MYC: variants seen among roughly 807,000 people sequenced by gnomAD.
The protein encoded by MYC is MYC proto-oncogene, bHLH transcription factor.
In MYC, 1 loss-of-function variant was observed where a neutral mutation model predicts 30.5. The ratio of observed to expected loss-of-function variants is 0.03; its 90% CI spans 0.01 to 0.16. The LOEUF (loss-of-function observed/expected upper bound fraction) is 0.16. Ranked by LOEUF, MYC falls within the 10% of genes least tolerant of loss-of-function variation. The pLI, the probability that MYC is intolerant of heterozygous loss-of-function variation, is 1.00. For missense variants in MYC, 508 were observed against 589.0 expected, an observed-to-expected ratio of 0.86 and a Z score of 1.42; for synonymous variants, 267 against 250.7, an observed-to-expected ratio of 1.07 and a Z score of -0.62.
chr8:127,738,268 C>T lies in MYC; in HGVS notation c.51C>T (p.Pro17=), dbSNP rs2130092159. The T allele has an allele frequency of 6.3e-7, 1 of 1,595,160 alleles. No homozygotes were observed. Among genetic ancestry groups the T allele is most frequent in the Non-Finnish European group, 8.6e-7 (1 of 1,166,268 alleles). ...TCCAGCAGCCTCCCGCGACGATGCC[C>T]CTCAACGTTAGCTTCACCAACAGGA... The change falls in exon 2 of 3, where the codon CCC becomes CCT. Residue 17 remains proline (P), a synonymous_variant. Coordinates refer to ENST00000621592, the MANE Select transcript of MYC (RefSeq NM_002467.6). The surrounding 1 kb of genome is among the most constrained non-coding windows in gnomAD (Gnocchi z 7.6).
At position 127,736,364 on chromosome 8, in the gene MYC, C is replaced by G; in HGVS notation, c.-230C>G. The stretch of plus-strand genomic sequence containing the variant: ...ATCCGGAGCGAATAGGGGGCTTCGC[C>G]TCTGGCCCAGCCCTCCCGCTGATCC... On this transcript the variant is annotated 5_prime_UTR_variant, in exon 1 of 3. Coordinates refer to ENST00000621592, the MANE Select transcript of MYC (RefSeq NM_002467.6). 1 of 606,396 alleles carries G rather than the reference C, an allele frequency of 1.6e-6. No individual in the cohort carries two copies. Among genetic ancestry groups the G allele is most frequent in the Admixed American group, 3.0e-5 (1 of 33,760 alleles). The allele number at this position is 606,396 out of a possible 1,614,324, so 37.6% of individuals were successfully genotyped here.
rs4645954 is a variant in MYC, at chr8:127,737,492, G to A, written c.31-756G>A. 2.6e-3 allele frequency among the ~76,000 whole-genome samples: 396 copies of A among 152,318 alleles called. 3 individuals are homozygous for A. The highest frequency in any genetic ancestry group is 0.017 in the Middle Eastern group (5 of 292). On this transcript the variant is annotated intron_variant, in intron 1 of 2. Transcript: ENST00000621592. ...TACCCTTGGTGGGGTGGCTCCGGGG[G>A]AGGTATCGCAGCGGGGTCTCTGGCG...
chr8:127,738,730 C>G lies in MYC; in HGVS notation c.513C>G (p.Arg171=). 1 of 1,613,854 alleles carries G rather than the reference C, an allele frequency of 6.2e-7. No individual in the cohort carries two copies. The highest frequency in any genetic ancestry group is 8.5e-7 in the Non-Finnish European group (1 of 1,179,916). Residue 171 remains arginine (R), a synonymous_variant, in exon 2 of 3, where the codon CGC becomes CGG. Coordinates refer to ENST00000621592, the MANE Select transcript of MYC (RefSeq NM_002467.6). This position sits in a 1 kb window ranked among gnomAD's most constrained non-coding sequence, Gnocchi z 7.6. ...AGCTGGCCTCCTACCAGGCTGCGCG[C>G]AAAGACAGCGGCAGCCCGAACCCCG... is the stretch of plus-strand genomic sequence containing the variant.
intron 2 of MYC, among the ~76,000 whole-genome samples, chr8:127,739,355 A>C (rs369018510): frequency 3.3e-5 from 5 of 152,154 alleles, no homozygotes; most frequent in South Asian, 4.1e-4. Flanking sequence ...GGTGGCAGGG[A>C]GTGTATGAAT....
chr8:127,737,982 C>A (rs1332497090), intron 1 of MYC, among the ~76,000 whole-genome samples: 2 of 152,194 alleles, frequency 1.3e-5, no homozygotes, highest in Non-Finnish European at 2.9e-5. Context: ...CCGGGCTTTG[C>A]GCTCCGGGCT....
rs1484385745 is a variant in MYC, at chr8:127,738,467, C to G, written c.250C>G (p.Leu84Val). 6.2e-7 allele frequency: 1 copy of G among 1,606,374 alleles called. No homozygotes were observed. The highest frequency in any genetic ancestry group is 8.5e-7 in the Non-Finnish European group (1 of 1,175,048). ...CCTGTCCCCTAGCCGCCGCTCCGGGCTCTGCTCGCCCTCCTACGTTGCGGT... is the reference window on the plus strand; with the variant it reads ...CCTGTCCCCTAGCCGCCGCTCCGGGGTCTGCTCGCCCTCCTACGTTGCGGT... Residue 84 changes from leucine (L) to valine (V), a missense_variant, in exon 2 of 3, where the codon CTC (leucine) becomes GTC (valine). Physicochemically the swap from Leu to Val is conservative, Grantham distance 32. This residue lies in a region of MYC where 364 missense variants were observed against 381.1 expected (regional missense o/e 0.96). Transcript: ENST00000621592. The surrounding 1 kb of genome is among the most constrained non-coding windows in gnomAD (Gnocchi z 7.6).
Position 127,736,580 on chromosome 8 carries a change from C to A in MYC, c.-14C>A, listed in dbSNP as rs1813594357. 4.3e-6 allele frequency: 7 copies of A among 1,614,090 alleles called. No homozygotes were observed. In the East Asian group the frequency reaches 1.3e-4, roughly 31 times the overall value. On this transcript the variant is annotated 5_prime_UTR_variant, in exon 1 of 3. Coordinates refer to ENST00000621592, the MANE Select transcript of MYC (RefSeq NM_002467.6). The stretch of plus-strand genomic sequence containing the variant: ...CCGCTTCTCTGAAAGGCTCTCCTTG[C>A]AGCTGCTTAGACGCTGGATTTTTTT...
intron 2 of MYC, 93 bp downstream of exon 2, chr8:127,739,112 G>A (rs2130098715): frequency 3.8e-6 from 5 of 1,307,954 alleles, no homozygotes; most frequent in Non-Finnish European, 5.0e-6. Context: ...ACTCTTATTA[G>A]GAAGGAGAGA....
chr8:127,737,348 A>G (rs980804387), intron 1 of MYC, among the ~76,000 whole-genome samples: 1 of 152,222 alleles, frequency 6.6e-6, no homozygotes, highest in African/African-American at 2.4e-5. Context: ...TGGAAAAACC[A>G]GGGCGAATCT....
Position 127,741,054 on chromosome 8 carries a change from C to T in MYC, c.*96C>T, listed in dbSNP as rs1028803920. ...GCATGATCAAATGCAACCTCACAACCTTGGCTGAGTCTTGAGACTGAAAGA... is the reference window on the plus strand; with the variant it reads ...GCATGATCAAATGCAACCTCACAACTTTGGCTGAGTCTTGAGACTGAAAGA... On this transcript the variant is annotated 3_prime_UTR_variant, in exon 3 of 3. Coordinates refer to ENST00000621592, the MANE Select transcript of MYC (RefSeq NM_002467.6). 2 of 1,182,652 alleles carry T rather than the reference C, an allele frequency of 1.7e-6. No homozygotes were observed. The highest frequency in any genetic ancestry group is 2.3e-6 in the Non-Finnish European group (2 of 878,444). The allele number at this position is 1,182,652 out of a possible 1,614,324, so 73.3% of individuals were successfully genotyped here. A position where few individuals can be genotyped will look rare whatever the true frequency, so the allele number is the denominator to read the frequency against.
At chr8:127,739,963 GTTC>G (rs1813679709) in intron 2 of MYC, among the ~76,000 whole-genome samples, 1 of 142,366 alleles carries the variant, frequency 7.0e-6, no homozygotes, top group Admixed American at 6.8e-5. Context: ...GGCTAGATTG[GTTC>G]TTTTTTTTTT....
In MYC at chr8:127,741,555, G is replaced by GGGGGCCTTAA; in HGVS notation, c.*599_*600insGGCCTTAAGG. ...GGCAAGAGTTTTCCTCTGTTGAAAT[G>GGGGGCCTTAA]GGTCTGGGGGCCTTAAGGTCTTTAA... On this transcript the variant is annotated 3_prime_UTR_variant, in exon 3 of 3. Coordinates refer to ENST00000621592, the MANE Select transcript of MYC (RefSeq NM_002467.6). The GGGGGCCTTAA allele has an allele frequency of 5.4e-6, 1 of 184,308 alleles. No homozygotes were observed. The allele number at this position is 184,308 out of a possible 1,614,324, so 11.4% of individuals were successfully genotyped here.
chr8:127,740,959 G>A lies in MYC; in HGVS notation c.*1G>A, dbSNP rs1362443865. On this transcript the variant is annotated 3_prime_UTR_variant, in exon 3 of 3. Transcript: ENST00000621592. ...ACAGCTACGGAACTCTTGTGCGTAA[G>A]GAAAAGTAAGGAAAACGATTCCTTC... 1.3e-5 allele frequency: 20 copies of A among 1,539,958 alleles called. No homozygotes were observed. The highest frequency in any genetic ancestry group is 1.7e-5 in the Non-Finnish European group (19 of 1,148,834).
At chr8:127,739,211 T>G (rs1000399492) in intron 2 of MYC, among the ~76,000 whole-genome samples, 192 bp downstream of exon 2, 1 of 152,144 alleles carries the variant, frequency 6.6e-6, no homozygotes, top group Non-Finnish European at 1.5e-5. Flanking sequence ...AGACTGCCCA[T>G]GTTTGCAGCC....
rs4645971 is a variant in MYC at position 127,741,906 on chromosome 8, C to T, written c.*948C>T. On this transcript the variant is annotated 3_prime_UTR_variant, in exon 3 of 3. Transcript: ENST00000621592. ...CGCCAGTCCTGTCCATGGGTTATCT[C>T]GCAAACCCCAGAGGATCTCTGGGAG... is the stretch of plus-strand genomic sequence containing the variant. 9.4e-3 allele frequency among the ~76,000 whole-genome samples: 1,429 copies of T among 152,304 alleles called. 6 individuals carry two copies. Among genetic ancestry groups the T allele is most frequent in the Non-Finnish European group, 0.015 (999 of 68,028 alleles).
rs146523831 is a variant in MYC at position 127,740,571 on chromosome 8, G to A, written c.978G>A (p.Ala326=). 1.7e-5 allele frequency: 27 copies of A among 1,613,976 alleles called. No individual in the cohort carries two copies. Among genetic ancestry groups the A allele is most frequent in the African/African-American group, 1.3e-4 (10 of 74,964 alleles). The change falls in exon 3 of 3, where the codon GCG becomes GCA. Residue 326 remains alanine (A), a synonymous_variant. Coordinates refer to ENST00000621592, the MANE Select transcript of MYC (RefSeq NM_002467.6). Reference sequence around the variant, plus strand: ...CCACACATCAGCACAACTACGCAGCGCCTCCCTCCACTCGGAAGGACTATC... The same window carrying A: ...CCACACATCAGCACAACTACGCAGCACCTCCCTCCACTCGGAAGGACTATC...
intron 2 of MYC, among the ~76,000 whole-genome samples, chr8:127,740,098 A>C (rs1813682802): frequency 6.6e-6 from 1 of 151,758 alleles, no homozygotes; most frequent in South Asian, 2.1e-4. Context: ...AGCTGGGACT[A>C]CAGGTGCACA....
Position 127,741,620 on chromosome 8 carries a change from A to G in MYC, c.*662A>G, listed in dbSNP as rs1021428607. On this transcript the variant is annotated 3_prime_UTR_variant, in exon 3 of 3. Coordinates refer to ENST00000621592, the MANE Select transcript of MYC (RefSeq NM_002467.6). ...TAAGATGCTTCCTGGAGACTATGAT[A>G]ACAGCCAGAGTTGACAGTTAGAAGG... Among the ~76,000 whole-genome samples, 1 of 152,210 alleles carries G rather than the reference A, an allele frequency of 6.6e-6. No individual in the cohort carries two copies. The highest frequency in any genetic ancestry group is 2.4e-5 in the African/African-American group (1 of 41,454).
Position 127,741,050 on chromosome 8 carries a change from C to T in MYC, c.*92C>T, listed in dbSNP as rs1813703505. ...AAATGCATGATCAAATGCAACCTCA[C>T]AACCTTGGCTGAGTCTTGAGACTGA... On this transcript the variant is annotated 3_prime_UTR_variant, in exon 3 of 3. Transcript: ENST00000621592. 1 of 1,216,090 alleles carries T rather than the reference C, an allele frequency of 8.2e-7. No homozygotes were observed. The highest frequency in any genetic ancestry group is 1.9e-5 in the South Asian group (1 of 53,968). The allele number at this position is 1,216,090 out of a possible 1,614,324, so 75.3% of individuals were successfully genotyped here.
Sources: allele counts gnomAD v4.1 joint callset (sites outside exome capture counted in the v4.1 genomes callset), GRCh38; gene constraint gnomAD v4.1.1; regional missense constraint gnomAD v4.1.1; non-coding constraint Gnocchi (gnomAD v3.1); transcripts MANE v1.5; gene names NCBI Gene and HGNC (gene_info 2026-07-23, HGNC 2026-07-21).